Variants in GAS6 observed in about 807,000 individuals in gnomAD.
GAS6 encodes growth arrest specific 6, also known as growth arrest-specific protein 6.
Under a neutral mutation model 75.8 loss-of-function variants are expected in GAS6, and 41 were observed. That is an observed-to-expected ratio of 0.54 (90% CI 0.42 to 0.70). GAS6 has a LOEUF of 0.70. GAS6 is among the 30% of genes least tolerant of loss of function. The pLI is 0.00. For missense variants in GAS6, 854 were observed against 940.2 expected, an observed-to-expected ratio of 0.91 and a Z score of 1.20; for synonymous variants, 432 against 412.6, an observed-to-expected ratio of 1.05 and a Z score of -0.57.
At chr13:113,823,889 G>A (rs2051495187) in intron 12 of GAS6, among the ~76,000 whole-genome samples, 1 of 112,030 alleles carries the variant, frequency 8.9e-6, no homozygotes, top group South Asian at 2.5e-4. Context: ...ATGTCCTCTT[G>A]TTTCAGGAGC....
intron 2 of GAS6, among the ~76,000 whole-genome samples, chr13:113,862,596 G>A (rs2051981175): frequency 6.6e-6 from 1 of 152,234 alleles, no homozygotes; most frequent in African/African-American, 2.4e-5. Flanking sequence ...CATCTCTGCA[G>A]GGATGAGCTA....
At position 113,820,753 on chromosome 13, in the gene GAS6, G is replaced by C. The variant is rs750991463; in HGVS notation, c.*111C>G. Reference sequence around the variant, plus strand: ...TACAGATATGTTACAGGCCGGGATGGTCACAGAGGAAAGCCCAGCTCTCAG... The same window carrying C: ...TACAGATATGTTACAGGCCGGGATGCTCACAGAGGAAAGCCCAGCTCTCAG... On this transcript the variant is annotated 3_prime_UTR_variant, in exon 15 of 15. Transcript: ENST00000327773. 1.7e-5 allele frequency: 21 copies of C among 1,229,074 alleles called. No homozygotes were observed. Among genetic ancestry groups the C allele is most frequent in the Non-Finnish European group, 2.3e-5 (21 of 899,256 alleles). The allele number at this position is 1,229,074 out of a possible 1,614,324, so 76.1% of individuals were successfully genotyped here.
chr13:113,822,280 C>T (rs900231184), intron 13 of GAS6, 94 bp from the exon 14 acceptor site: 18 of 956,154 alleles, frequency 1.9e-5, no homozygotes, highest in South Asian at 1.3e-4. Flanking sequence ...GCCACCCCTA[C>T]GCCGCACGCC....
Position 113,820,822 on chromosome 13 carries a change from T to C in GAS6, c.*42A>G. 1 of 1,593,324 alleles carries C rather than the reference T, an allele frequency of 6.3e-7. No individual in the cohort carries two copies. Among genetic ancestry groups the C allele is most frequent in the East Asian group, 2.3e-5 (1 of 44,386 alleles). ...GGAGCCCCCAGGCTCCTCCCGGCTG[T>C]CTCGGACAGAGACTGAGAAGCCTGC... On this transcript the variant is annotated 3_prime_UTR_variant, in exon 15 of 15. Coordinates refer to ENST00000327773, the MANE Select transcript of GAS6 (RefSeq NM_000820.4).
At position 113,823,409 on chromosome 13, in the gene GAS6, A is replaced by T. The variant is rs2051486965; in HGVS notation, c.1619T>A (p.Val540Glu). 2 of 1,612,292 alleles carry T rather than the reference A, an allele frequency of 1.2e-6. No individual in the cohort carries two copies. Among genetic ancestry groups the T allele is most frequent in the African/African-American group, 2.7e-5 (2 of 74,924 alleles). ...LRAVPLSVAL[V>E]DYHSTKKLKK... ...GAGTTTCTTCGTGGAGTGATAGTCT[A>T]CCAGTGCCACAGAGAGAGGCACGGC... Residue 540 changes from valine to glutamate, a missense_variant, in exon 13 of 15, where the codon GTA becomes GAA. Transcript: ENST00000327773.
Position 113,827,089 on chromosome 13 carries a change from C to T in GAS6, c.1384G>A (p.Val462Met). ...NGEDTTIQETVKVNTRMQCFS... is the reference protein window; with the variant it reads ...NGEDTTIQETMKVNTRMQCFS... ...CACTGCATCCTCGTGTTCACTTTCACCGTTTCCTGGATGGTGGTGTCTTCT... is the reference window on the plus strand; with the variant it reads ...CACTGCATCCTCGTGTTCACTTTCATCGTTTCCTGGATGGTGGTGTCTTCT... Residue 462 changes from valine to methionine, a missense_variant, in exon 12 of 15, where the codon GTG becomes ATG. Val to Met is a conservative substitution (Grantham distance 21, BLOSUM62 1). Coordinates refer to ENST00000327773, the MANE Select transcript of GAS6 (RefSeq NM_000820.4). 1 of 1,613,632 alleles carries T rather than the reference C, an allele frequency of 6.2e-7. No individual in the cohort carries two copies. The highest frequency in any genetic ancestry group is 8.5e-7 in the Non-Finnish European group (1 of 1,179,964).
chr13:113,859,143 A>C (rs954460210), intron 2 of GAS6, among the ~76,000 whole-genome samples: 20 of 145,838 alleles, frequency 1.4e-4, no homozygotes, highest in Non-Finnish European at 2.7e-4. Context: ...TGTCTATGTG[A>C]ATGTGTGCAT....
chr13:113,826,203 T>A (rs1181635385), intron 12 of GAS6, among the ~76,000 whole-genome samples: 1 of 152,202 alleles, frequency 6.6e-6, no homozygotes, highest in Non-Finnish European at 1.5e-5. Flanking sequence ...CTAGGTTCAC[T>A]GTCCCCCAGG....
At chr13:113,839,670 G>A in intron 5 of GAS6, 58 bp downstream of exon 5, 3 of 1,593,886 alleles carry the variant, frequency 1.9e-6, no homozygotes, top group Non-Finnish European at 2.6e-6. Context: ...GAGGAGCGGG[G>A]ATCAGGGCAG....
At chr13:113,821,724 A>G in intron 14 of GAS6, 1 of 525,648 alleles carries the variant, frequency 1.9e-6, no homozygotes, top group Non-Finnish European at 3.3e-6. Flanking sequence ...GGCCTGACTC[A>G]GGCCAATGCC....
chr13:113,834,660 C>T lies in GAS6; in HGVS notation c.725G>A (p.Cys242Tyr). ...GACCTGCTCACAGCGGCCCTGCAGA[C>T]ACTCGTCCACATCTGCCAGCCAGAG... ...QEKACRDVDE[C>Y]LQGRCEQVCV... The change falls in exon 8 of 15, where the codon TGT (cysteine) becomes TAT (tyrosine). Residue 242 changes from cysteine to tyrosine, a missense_variant. Cys to Tyr is a radical substitution (Grantham distance 194). Coordinates refer to ENST00000327773, the MANE Select transcript of GAS6 (RefSeq NM_000820.4). The T allele has an allele frequency of 6.3e-7, 1 of 1,579,174 alleles. No individual in the cohort carries two copies. The highest frequency in any genetic ancestry group is 8.6e-7 in the Non-Finnish European group (1 of 1,160,842).
At chr13:113,823,811 A>G (rs1310805968) in intron 12 of GAS6, among the ~76,000 whole-genome samples, 1 of 152,248 alleles carries the variant, frequency 6.6e-6, no homozygotes, top group Non-Finnish European at 1.5e-5. Flanking sequence ...CCACCAGGCC[A>G]CACAGGCCCG....
intron 2 of GAS6, among the ~76,000 whole-genome samples, chr13:113,849,568 G>C (rs568506921): frequency 1.3e-5 from 2 of 152,268 alleles, no homozygotes; most frequent in East Asian, 3.9e-4. Context: ...AAACAACTAA[G>C]AACTAGTGAG....
At chr13:113,846,668 C>G in intron 3 of GAS6, 79 bp from the exon 4 acceptor site, 1 of 1,191,780 alleles carries the variant, frequency 8.4e-7, no homozygotes, top group Non-Finnish European at 1.3e-6. Context: ...CTGAGACGCT[C>G]TGGAGAGGCA....
intron 11 of GAS6, among the ~76,000 whole-genome samples, chr13:113,828,129 TG>T (rs1170275943): frequency 2.0e-5 from 3 of 151,946 alleles, no homozygotes; most frequent in Admixed American, 6.6e-5. Flanking sequence ...CCGGACGTGG[TG>T]GCGGGCGCCT....
chr13:113,830,467 GCCCCGGGC>G, intron 10 of GAS6, among the ~76,000 whole-genome samples: 1 of 101,382 alleles, frequency 9.9e-6, no homozygotes, highest in Non-Finnish European at 1.8e-5. Context: ...CAGGCCACCT[GCCCCGGGC>G]CCCTCCTCCC....
intron 6 of GAS6, chr13:113,835,986 G>T: frequency 9.4e-7 from 1 of 1,063,416 alleles, no homozygotes; most frequent in South Asian, 4.3e-5. Flanking sequence ...GTAACCCCCC[G>T]GGGGCATTTG....
chr13:113,863,602 C>G lies in GAS6; in HGVS notation c.228G>C (p.Arg76=). The part of the protein sequence containing the change: ...VEELCSREEA[R]EVFENDPETD... ...TCTCGGGGTCGTTCTCGAACACCTC[C>G]CGCGCCTCCTCGCGGCTGCACAGCT... The change falls in exon 2 of 15, where the codon CGG becomes CGC. Residue 76 remains arginine, a synonymous_variant. Transcript: ENST00000327773. The surrounding 1 kb of genome is among the most constrained non-coding windows in gnomAD (Gnocchi z 9.4). 6.6e-7 allele frequency: 1 copy of G among 1,523,132 alleles called. No homozygotes were observed. Among genetic ancestry groups the G allele is most frequent in the South Asian group, 1.2e-5 (1 of 82,292 alleles). The allele number at this position is 1,523,132 out of a possible 1,614,324, so 94.4% of individuals were successfully genotyped here. A position where few individuals can be genotyped will look rare whatever the true frequency, so the allele number is the denominator to read the frequency against.
Position 113,863,757 on chromosome 13 carries a change from G to A in GAS6, c.89-16C>T. 23 of 1,476,124 alleles carry A rather than the reference G, an allele frequency of 1.6e-5. No individual in the cohort carries two copies. Among genetic ancestry groups the A allele is most frequent in the Non-Finnish European group, 1.9e-5 (21 of 1,120,676 alleles). 91.4% of individuals were successfully genotyped at this position (1,476,124 alleles called of 1,614,324 possible). A position where few individuals can be genotyped will look rare whatever the true frequency, so the allele number is the denominator to read the frequency against. ...AACAGCGCGGCTGCCCGGAGGGAGA[G>A]AGGGGGACGCGTCAAGCCGCGCCCG... On this transcript the variant is annotated splice_polypyrimidine_tract_variant and intron_variant, in intron 1 of 14. Coordinates refer to ENST00000327773, the MANE Select transcript of GAS6 (RefSeq NM_000820.4). The surrounding 1 kb of genome is among the most constrained non-coding windows in gnomAD (Gnocchi z 9.4).
Sources: gnomAD v4.1 joint callset for allele counts (sites outside exome capture counted in the v4.1 genomes callset) on GRCh38, gnomAD v4.1.1 for gene constraint, Gnocchi (gnomAD v3.1) non-coding constraint, MANE v1.5 for transcripts, NCBI Gene and HGNC (gene_info 2026-07-23, HGNC 2026-07-21) for gene names.